The following ABCB11 variants were observed in gnomAD, a reference collection of about 807,000 sequenced individuals.
ABCB11 encodes bile salt export pump.
In ABCB11, 95 loss-of-function variants were observed where a neutral mutation model predicts 148.0. The ratio of observed to expected loss-of-function variants is 0.64; its 90% CI spans 0.54 to 0.76. The LOEUF (loss-of-function observed/expected upper bound fraction) is 0.76, where lower values mean the gene tolerates loss of function less well. Among genes scored for constraint, ABCB11 ranks in the 30% least tolerant of loss-of-function variants. The probability of loss-of-function intolerance (pLI) is 0.00; values close to 1 mark genes in which losing one functional copy is unlikely to be tolerated. For synonymous variants in ABCB11, 591 were observed against 555.4 expected (o/e 1.06, Z -0.90); for missense variants, 1,523 against 1,617.8 (o/e 0.94, Z 1.01).
intron 10 of ABCB11, among the ~76,000 whole-genome samples, chr2:168,981,110 TTG>T (rs1694122348): frequency 1.3e-5 from 2 of 152,184 alleles, no homozygotes; most frequent in Non-Finnish European, 2.9e-5. Context: ...TTCCCATTTG[TTG>T]TATCACATTG....
Position 169,016,721 on chromosome 2 carries a change from T to A in ABCB11, c.98+57A>T. Reference sequence around the variant, plus strand: ...TATTCTCTGCTTTGTGCCTTTGATATGAATATTATGGAGTTATTCTAGAAA... The same window carrying A: ...TATTCTCTGCTTTGTGCCTTTGATAAGAATATTATGGAGTTATTCTAGAAA... On this transcript the variant is annotated intron_variant, in intron 3 of 27. Coordinates refer to ENST00000650372, the MANE Select transcript of ABCB11 (RefSeq NM_003742.4). 2.1e-6 allele frequency: 3 copies of A among 1,448,042 alleles called. No homozygotes were observed. The South Asian group carries it at 3.6e-5, about 17-fold the overall frequency. 89.7% of individuals were successfully genotyped at this position (1,448,042 alleles called of 1,614,324 possible). A position where few individuals can be genotyped will look rare whatever the true frequency, so the allele number is the denominator to read the frequency against.
chr2:168,917,505 T>C (rs1356369302), downstream of ABCB11, among the ~76,000 whole-genome samples: 3 of 152,340 alleles, frequency 2.0e-5, no homozygotes, highest in South Asian at 2.1e-4. Context: ...ACAATCTTAG[T>C]TATTTCACTT....
At chr2:169,023,620 CG>C (rs1695601043) in intron 1 of ABCB11, among the ~76,000 whole-genome samples, 1 of 152,154 alleles carries the variant, frequency 6.6e-6, no homozygotes, top group South Asian at 2.1e-4. Context: ...TCTCAACAAA[CG>C]TAAGTTTAAA....
At chr2:169,001,957 CA>C (rs1232298356) in intron 5 of ABCB11, among the ~76,000 whole-genome samples, 1 of 152,048 alleles carries the variant, frequency 6.6e-6, no homozygotes, top group Non-Finnish European at 1.5e-5. Flanking sequence ...ACAATACAAT[CA>C]AAAGACAGAG....
chr2:169,019,389 G>A (rs1176418701), intron 1 of ABCB11, among the ~76,000 whole-genome samples: 1 of 152,092 alleles, frequency 6.6e-6, no homozygotes, highest in Non-Finnish European at 1.5e-5. Context: ...GAATTGATTG[G>A]AATAGATATC....
At chr2:168,950,168 C>CACAA (rs1553551445) in intron 19 of ABCB11, among the ~76,000 whole-genome samples, 2 of 140,388 alleles carry the variant, frequency 1.4e-5, no homozygotes, top group Admixed American at 7.1e-5. Context: ...CACACACACA[C>CACAA]AAAATAGGAT....
At chr2:169,018,003 C>T in intron 2 of ABCB11, 47 bp downstream of exon 2, 1 of 1,525,350 alleles carries the variant, frequency 6.6e-7, no homozygotes. Context: ...TACTTTTGTT[C>T]TCACCTCTCC....
intron 9 of ABCB11, among the ~76,000 whole-genome samples, chr2:168,988,391 T>C (rs936121968): frequency 6.6e-6 from 1 of 152,096 alleles, no homozygotes; most frequent in East Asian, 1.9e-4. Flanking sequence ...TCACTTAACA[T>C]AATGTCCTCC....
chr2:168,949,042 T>G (rs1692450137), intron 19 of ABCB11, among the ~76,000 whole-genome samples: 1 of 151,656 alleles, frequency 6.6e-6, no homozygotes, highest in South Asian at 2.1e-4. Context: ...TTCTATAGAC[T>G]AGGATTCGGT....
intron 19 of ABCB11, among the ~76,000 whole-genome samples, chr2:168,954,603 TG>T (rs1430456806): frequency 1.3e-5 from 2 of 151,638 alleles, no homozygotes; most frequent in African/African-American, 4.8e-5. Flanking sequence ...ATTAGTCTGA[TG>T]GGGTTTCCTT....
chr2:168,963,764 A>AT (rs532247321), intron 18 of ABCB11, among the ~76,000 whole-genome samples: 1 of 151,832 alleles, frequency 6.6e-6, no homozygotes, highest in Non-Finnish European at 1.5e-5. Context: ...GGGCTAGCCT[A>AT]TTCAAACACT....
intron 5 of ABCB11, among the ~76,000 whole-genome samples, chr2:169,004,524 G>GT (rs1038592565): frequency 1.3e-5 from 2 of 152,120 alleles, no homozygotes; most frequent in South Asian, 2.1e-4. Flanking sequence ...AGTTGTGGTT[G>GT]TTTTTTTATT....
intron 19 of ABCB11, among the ~76,000 whole-genome samples, chr2:168,956,267 G>T (rs1679141613): frequency 6.6e-6 from 1 of 151,618 alleles, no homozygotes; most frequent in African/African-American, 2.4e-5. Context: ...CCTCCCACCA[G>T]GTTCTTCCTT....
At chr2:169,027,659 G>A (rs1304193240) in intron 1 of ABCB11, among the ~76,000 whole-genome samples, 1 of 152,146 alleles carries the variant, frequency 6.6e-6, no homozygotes, top group African/African-American at 2.4e-5. Context: ...GGGCCTGAAT[G>A]AGTAGTACCA....
At chr2:168,938,189 C>T (rs1008633352) in intron 21 of ABCB11, among the ~76,000 whole-genome samples, 16 of 152,270 alleles carry the variant, frequency 1.1e-4, no homozygotes, top group Admixed American at 5.9e-4. Flanking sequence ...TGTGTTAGTG[C>T]TGACTTCCTT....
At chr2:168,986,388 A>T in intron 9 of ABCB11, 104 bp from the exon 10 acceptor site, 2 of 1,016,642 alleles carry the variant, frequency 2.0e-6, no homozygotes, top group Non-Finnish European at 1.5e-6. Context: ...TCATAAAATC[A>T]TCGCAAACAC....
intron 3 of ABCB11, among the ~76,000 whole-genome samples, chr2:169,015,763 A>ATTTGATTTAT (rs890098733): frequency 6.6e-6 from 1 of 152,110 alleles, no homozygotes; most frequent in Non-Finnish European, 1.5e-5. Flanking sequence ...CATGCTATAC[A>ATTTGATTTAT]TTTGATTTAT....
chr2:168,946,428 T>A (rs1692324038), intron 19 of ABCB11, among the ~76,000 whole-genome samples: 1 of 151,764 alleles, frequency 6.6e-6, no homozygotes, highest in Non-Finnish European at 1.5e-5. Context: ...TAGGAGGGGT[T>A]CTAAATTAAT....
At position 168,944,591 on chromosome 2, in the gene ABCB11, C is replaced by T; in HGVS notation, c.2610+14G>A. 3.8e-6 allele frequency: 6 copies of T among 1,576,738 alleles called. No homozygotes were observed. The highest frequency in any genetic ancestry group is 5.2e-6 in the Non-Finnish European group (6 of 1,163,788). The stretch of plus-strand genomic sequence containing the variant: ...TGCAGTTAATATACTTCTATTTCCC[C>T]TCCCATAGCTCACCCCTTGAACTTG... On this transcript the variant is annotated intron_variant, in intron 21 of 27. Coordinates refer to ENST00000650372, the MANE Select transcript of ABCB11 (RefSeq NM_003742.4).
Sources: gnomAD v4.1 joint callset for allele counts (sites outside exome capture counted in the v4.1 genomes callset) on GRCh38, gnomAD v4.1.1 for gene constraint, MANE v1.5 for transcripts, NCBI Gene and HGNC (gene_info 2026-07-23, HGNC 2026-07-21) for gene names.